The following LUC7L variants were observed in gnomAD, a reference collection of about 807,000 sequenced individuals.
LUC7L encodes the protein LUC7 like, also known as putative RNA-binding protein Luc7-like 1.
In LUC7L, 29 loss-of-function variants were observed where a neutral mutation model predicts 51.1. The observed-to-expected ratio is 0.57, with a 90% CI of 0.42 to 0.77. The LOEUF (loss-of-function observed/expected upper bound fraction) is 0.77. LUC7L is among the 30% of genes least tolerant of loss of function. The pLI is 0.00. For missense variants in LUC7L, 403 were observed against 511.9 expected (o/e 0.79, Z 2.05); for synonymous variants, 181 against 180.7 (o/e 1.00, Z -0.01).
At chr16:224,248 G>A (rs530669699) in intron 2 of LUC7L, among the ~76,000 whole-genome samples, 1 of 152,254 alleles carries the variant, frequency 6.6e-6, no homozygotes, top group African/African-American at 2.4e-5. Context: ...GCCGAGCGCG[G>A]TGGCTCATGC....
intron 3 of LUC7L, among the ~76,000 whole-genome samples, chr16:215,245 T>G (rs563552107): frequency 1.3e-5 from 2 of 152,236 alleles, no homozygotes; most frequent in East Asian, 3.9e-4. Context: ...CCCAGCACTT[T>G]GGGAGAGTGA....
At chr16:203,357 T>C (rs969400800) in intron 5 of LUC7L, among the ~76,000 whole-genome samples, 14 of 151,958 alleles carry the variant, frequency 9.2e-5, no homozygotes, top group African/African-American at 3.1e-4. Context: ...GCAGAGAGAG[T>C]ATCTTCTAAC....
At chr16:201,354 C>T (rs1452360277) in intron 5 of LUC7L, among the ~76,000 whole-genome samples, 2 of 151,458 alleles carry the variant, frequency 1.3e-5, no homozygotes, top group Non-Finnish European at 2.9e-5. Flanking sequence ...ATGCCACCTT[C>T]TAACATCTTT....
At chr16:220,490 A>AG in intron 3 of LUC7L, 159 bp downstream of exon 3, 2 of 628,176 alleles carry the variant, frequency 3.2e-6, no homozygotes, top group Non-Finnish European at 5.7e-6. Flanking sequence ...CACAACATAT[A>AG]AACAGTACTG....
chr16:191,570 G>C (rs1264311000), intron 7 of LUC7L, among the ~76,000 whole-genome samples: 4 of 152,182 alleles, frequency 2.6e-5, no homozygotes, highest in Non-Finnish European at 5.9e-5. Context: ...CAAACGGCCG[G>C]GCGTGGTGGC....
intron 6 of LUC7L, among the ~76,000 whole-genome samples, chr16:198,258 G>A (rs1024162415): frequency 3.0e-4 from 38 of 124,934 alleles, no homozygotes; most frequent in Non-Finnish European, 4.6e-4. Flanking sequence ...CAGCCTGGGC[G>A]ACAGAGCGAG....
At position 227,351 on chromosome 16, in the gene LUC7L, T is replaced by C; in HGVS notation, c.62-15A>G. 8 of 1,593,570 alleles carry C rather than the reference T, an allele frequency of 5.0e-6. No individual in the cohort carries two copies. The highest frequency in any genetic ancestry group is 1.7e-4 in the Middle Eastern group (1 of 6,032). On this transcript the variant is annotated splice_polypyrimidine_tract_variant and intron_variant, in intron 1 of 9. Transcript: ENST00000293872. ...GGTTTCGTCTCCTGAAATTCATTTG[T>C]GGTTTTAAATAAGACAATATTATCA...
rs779764476 is a variant in LUC7L, at chr16:189,327, C to T, written c.987G>A (p.Glu329=). The T allele has an allele frequency of 6.2e-6, 10 of 1,610,512 alleles. No homozygotes were observed. The highest frequency in any genetic ancestry group is 8.5e-6 in the Non-Finnish European group (10 of 1,178,850). ...DRSAKYKFSR[E]RASREESWES... The stretch of plus-strand genomic sequence containing the variant: ...CCCAGGACTCCTCTCTGGATGCCCG[C>T]TCTCTGGAGAACCTGGGAAATGGGA... Residue 329 remains glutamate, a synonymous_variant, in exon 10 of 10, where the codon GAG becomes GAA. Transcript: ENST00000293872.
intron 1 of LUC7L, chr16:229,072 G>C (rs1319995399): frequency 1.4e-6 from 2 of 1,417,208 alleles, no homozygotes; most frequent in Non-Finnish European, 1.8e-6. Flanking sequence ...CAGACTCCGA[G>C]AGAGGAGCCC....
chr16:225,868 C>A (rs1356113757), intron 2 of LUC7L, among the ~76,000 whole-genome samples: 1 of 152,052 alleles, frequency 6.6e-6, no homozygotes, highest in African/African-American at 2.4e-5. Context: ...CACCAGTATT[C>A]TGCAGCTATG....
chr16:198,228 G>A (rs1005212949), intron 6 of LUC7L, among the ~76,000 whole-genome samples: 5 of 133,552 alleles, frequency 3.7e-5, no homozygotes, highest in African/African-American at 1.4e-4. Context: ...GCAGTAAGCC[G>A]AGATTGGGCC....
intron 2 of LUC7L, among the ~76,000 whole-genome samples, chr16:225,354 T>C (rs2050100534): frequency 6.6e-6 from 1 of 151,202 alleles, no homozygotes; most frequent in Non-Finnish European, 1.5e-5. Flanking sequence ...GGCGAGGTGG[T>C]GCATGCCTGT....
chr16:202,854 C>T (rs1026484980), intron 5 of LUC7L, among the ~76,000 whole-genome samples: 2 of 152,148 alleles, frequency 1.3e-5, no homozygotes, highest in African/African-American at 4.8e-5. Flanking sequence ...ATGGACCGAT[C>T]CCTTCAAAGA....
At chr16:189,931 T>G in intron 9 of LUC7L, 37 bp downstream of exon 9, 1 of 1,586,128 alleles carries the variant, frequency 6.3e-7, no homozygotes, top group Non-Finnish European at 8.6e-7. Flanking sequence ...AAGGGCTCAC[T>G]CCTGGTTGCA....
chr16:207,266 G>C (rs1296109143), intron 4 of LUC7L, among the ~76,000 whole-genome samples: 2 of 151,430 alleles, frequency 1.3e-5, no homozygotes, highest in Non-Finnish European at 2.9e-5. Context: ...CTGTTATCCA[G>C]GCTGAAGCAA....
At chr16:195,480 G>A (rs1426050199) in intron 6 of LUC7L, among the ~76,000 whole-genome samples, 1 of 152,108 alleles carries the variant, frequency 6.6e-6, no homozygotes, top group Non-Finnish European at 1.5e-5. Context: ...TTGGAGTGTA[G>A]TGTCGTGATC....
chr16:206,296 G>T, intron 4 of LUC7L, 149 bp from the exon 5 acceptor site: 2 of 737,396 alleles, frequency 2.7e-6, no homozygotes, highest in Non-Finnish European at 4.5e-6. Flanking sequence ...CTTACTGCCA[G>T]CATTGAGACT....
At chr16:228,640 A>G (rs2050185959) in intron 1 of LUC7L, 2 of 1,182,114 alleles carry the variant, frequency 1.7e-6, no homozygotes, top group African/African-American at 3.2e-5. Context: ...CAAAGATGCA[A>G]CCGCTTTCTC....
rs186590617 is a variant in LUC7L, at chr16:190,709, G to A, written c.777-139C>T. 32 of 737,180 alleles carry A rather than the reference G, an allele frequency of 4.3e-5. No individual in the cohort carries two copies. The Admixed American group carries it at 6.1e-4, about 14-fold the overall frequency. 45.7% of individuals were successfully genotyped at this position (737,180 alleles called of 1,614,324 possible). A position where few individuals can be genotyped will look rare whatever the true frequency, so the allele number is the denominator to read the frequency against. On this transcript the variant is annotated intron_variant, in intron 7 of 9. Coordinates refer to ENST00000293872, the MANE Select transcript of LUC7L (RefSeq NM_201412.3). ...AGCCTGGACAACGTGGTGAAACCCC[G>A]TCTCTACTGAGAACACAAAACCTGG...
Sources: gnomAD v4.1 joint callset for allele counts (sites outside exome capture counted in the v4.1 genomes callset) on GRCh38, gnomAD v4.1.1 for gene constraint, MANE v1.5 for transcripts, NCBI Gene and HGNC (gene_info 2026-07-23, HGNC 2026-07-21) for gene names.